The following LRRTM4 variants were observed in gnomAD, a reference collection of about 807,000 sequenced individuals.
LRRTM4 encodes the protein leucine-rich repeat transmembrane neuronal protein 4.
A neutral mutation model predicts 47.6 loss-of-function variants in LRRTM4; 25 were observed. The observed-to-expected ratio is 0.53, with a 90% CI of 0.38 to 0.73. The LOEUF is 0.73. Among genes scored for constraint, LRRTM4 ranks in the 30% least tolerant of loss-of-function variants. The pLI is 0.00. For synonymous variants in LRRTM4, 311 were observed against 269.5 expected (o/e 1.15, Z -1.51); for missense variants, 638 against 713.4 (o/e 0.89, Z 1.20).
At chr2:76,990,184 T>C (rs10520176) in intron 3 of LRRTM4, among the ~76,000 whole-genome samples, 99,330 of 151,548 alleles carry the variant, frequency 0.66, 34,599 homozygotes, top group African/African-American at 0.89. Context: ...ATCTTAATTT[T>C]GTTTCCACCT....
Position 77,080,793 on chromosome 2 carries a change from C to T in LRRTM4, c.1552-331877G>A, listed in dbSNP as rs1452301386. Among the ~76,000 whole-genome samples, 4 of 152,176 alleles carry T rather than the reference C, an allele frequency of 2.6e-5. No homozygotes were observed. The South Asian group carries it at 6.2e-4, about 24-fold the overall frequency. Reference sequence around the variant, plus strand: ...CTGGGCCATCATCATCTCTTGCCCTCAAGGTACTTAACAATGCCTATAAAG... The same window carrying T: ...CTGGGCCATCATCATCTCTTGCCCTTAAGGTACTTAACAATGCCTATAAAG... On this transcript the variant is annotated intron_variant, in intron 3 of 3. Transcript: ENST00000409884.
chr2:77,312,141 T>A (rs1475905920), intron 3 of LRRTM4, among the ~76,000 whole-genome samples: 1 of 152,174 alleles, frequency 6.6e-6, no homozygotes, highest in Non-Finnish European at 1.5e-5. Context: ...TCCTTTTCAC[T>A]GCCCACAAAT....
intron 3 of LRRTM4, among the ~76,000 whole-genome samples, chr2:77,291,312 G>A (rs1045271880): frequency 2.0e-5 from 3 of 151,982 alleles, no homozygotes; most frequent in Non-Finnish European, 4.4e-5. Flanking sequence ...AGAAAGTTTT[G>A]TCAAATAAAG....
chr2:77,488,188 T>C (rs1678000880), intron 3 of LRRTM4, among the ~76,000 whole-genome samples: 1 of 152,256 alleles, frequency 6.6e-6, no homozygotes. Context: ...GGCTCTTCAG[T>C]ACCTGGCCTC....
chr2:76,813,151 C>T (rs1013054451), intron 3 of LRRTM4, among the ~76,000 whole-genome samples: 4 of 151,696 alleles, frequency 2.6e-5, no homozygotes, highest in African/African-American at 4.8e-5. Context: ...GCAACAAGAG[C>T]GAAACTCTGT....
chr2:76,840,975 C>T (rs1025073498), intron 3 of LRRTM4, among the ~76,000 whole-genome samples: 15 of 151,162 alleles, frequency 9.9e-5, no homozygotes, highest in South Asian at 2.1e-4. Flanking sequence ...CACATGCACA[C>T]GTATGTTTAT....
At chr2:77,290,274 G>A (rs1676784912) in intron 3 of LRRTM4, among the ~76,000 whole-genome samples, 1 of 151,896 alleles carries the variant, frequency 6.6e-6, no homozygotes. Flanking sequence ...ATTCAATGGT[G>A]TCTCATTGCC....
At chr2:77,005,051 C>A (rs1677586373) in intron 3 of LRRTM4, among the ~76,000 whole-genome samples, 1 of 152,002 alleles carries the variant, frequency 6.6e-6, no homozygotes, top group South Asian at 2.1e-4. Context: ...AAGGGACTTG[C>A]CTCGTCTGCA....
At chr2:76,762,334 C>T (rs550571106) in intron 3 of LRRTM4, among the ~76,000 whole-genome samples, 1 of 152,144 alleles carries the variant, frequency 6.6e-6, no homozygotes, top group African/African-American at 2.4e-5. Context: ...AATATAAGCT[C>T]TTCTGGGCAT....
At chr2:77,047,252 T>C (rs1295501731) in intron 3 of LRRTM4, among the ~76,000 whole-genome samples, 1 of 151,814 alleles carries the variant, frequency 6.6e-6, no homozygotes. Context: ...CTTATTGTTG[T>C]GGATATTATT....
intron 3 of LRRTM4, among the ~76,000 whole-genome samples, chr2:77,488,247 C>A (rs530774119): frequency 2.0e-5 from 3 of 152,292 alleles, no homozygotes; most frequent in African/African-American, 7.2e-5. Flanking sequence ...CACTGGAAGC[C>A]ACTTGCGGTA....
intron 3 of LRRTM4, among the ~76,000 whole-genome samples, chr2:77,172,302 A>G (rs1268058675): frequency 6.6e-6 from 1 of 152,208 alleles, no homozygotes; most frequent in Non-Finnish European, 1.5e-5. Flanking sequence ...ATATTCATTT[A>G]AAGGGCTAAA....
intron 3 of LRRTM4, among the ~76,000 whole-genome samples, chr2:76,807,926 TC>T (rs1275350184): frequency 0.018 from 2,172 of 119,032 alleles, 49 homozygotes; most frequent in African/African-American, 0.058. Flanking sequence ...TTCCTTTCTT[TC>T]CTTTCCTTTC....
At chr2:77,453,392 G>A (rs1351437456) in intron 3 of LRRTM4, among the ~76,000 whole-genome samples, 1 of 151,882 alleles carries the variant, frequency 6.6e-6, no homozygotes, top group Non-Finnish European at 1.5e-5. Flanking sequence ...GTGTTAGCAA[G>A]GATGGTCTTG....
intron 3 of LRRTM4, among the ~76,000 whole-genome samples, chr2:77,010,186 A>G (rs1256188484): frequency 6.6e-6 from 1 of 152,040 alleles, no homozygotes; most frequent in Non-Finnish European, 1.5e-5. Context: ...AATATACAAT[A>G]TATTGTCATT....
chr2:77,351,614 TTATATA>T (rs71656252), intron 3 of LRRTM4, among the ~76,000 whole-genome samples: 2,874 of 135,394 alleles, frequency 0.021, 68 homozygotes, highest in African/African-American at 0.05. Context: ...CATGACAAAT[TTATATA>T]TATATATATA....
chr2:77,163,150 A>G (rs1672779967), intron 3 of LRRTM4, among the ~76,000 whole-genome samples: 1 of 152,208 alleles, frequency 6.6e-6, no homozygotes, highest in Non-Finnish European at 1.5e-5. Flanking sequence ...GATGGAGCTG[A>G]AAACCATGGC....
chr2:77,119,874 A>C (rs928871375), intron 3 of LRRTM4, among the ~76,000 whole-genome samples: 1 of 151,792 alleles, frequency 6.6e-6, no homozygotes, highest in African/African-American at 2.4e-5. Context: ...TTCTGGGTTA[A>C]TTGGTCTAGG....
At chr2:77,054,751 T>C (rs6739493) in intron 3 of LRRTM4, among the ~76,000 whole-genome samples, 3,373 of 152,320 alleles carry the variant, frequency 0.022, 117 homozygotes, top group African/African-American at 0.069. Context: ...CAGGCTGACC[T>C]CTGTTTTTAA....
Sources: allele counts gnomAD v4.1 joint callset (sites outside exome capture counted in the v4.1 genomes callset), GRCh38; gene constraint gnomAD v4.1.1; transcripts MANE v1.5; gene names NCBI Gene and HGNC (gene_info 2026-07-23, HGNC 2026-07-21).